Variants in ASIC1 observed in about 807,000 individuals in gnomAD.
ASIC1 encodes the protein acid-sensing ion channel 1.
Under a neutral mutation model 63.4 loss-of-function variants are expected in ASIC1, and 21 were observed. The ratio of observed to expected loss-of-function variants is 0.33; its 90% CI spans 0.23 to 0.48. The LOEUF (loss-of-function observed/expected upper bound fraction) is 0.48. Among genes scored for constraint, ASIC1 ranks in the 20% least tolerant of loss-of-function variants. The probability of loss-of-function intolerance (pLI) is 0.99; values close to 1 mark genes in which losing one functional copy is unlikely to be tolerated. For missense variants in ASIC1, 478 were observed against 695.5 expected (o/e 0.69, Z 3.52); for synonymous variants, 258 against 278.2 (o/e 0.93, Z 0.72).
Position 50,081,181 on chromosome 12 carries a change from G to T in ASIC1, c.1377G>T (p.Glu459Asp). The T allele has an allele frequency of 6.2e-7, 1 of 1,610,996 alleles. No homozygotes were observed. ...TGGAGCTCTTTGACTACGCCTACGAGGTAAGCGGGGGCGAGGCCCGGCACG... is the reference window on the plus strand; with the variant it reads ...TGGAGCTCTTTGACTACGCCTACGATGTAAGCGGGGGCGAGGCCCGGCACG... The part of the protein sequence containing the change: ...TVLELFDYAY[E>D]VIKHKLCRRG... Residue 459 changes from glutamate (E) to aspartate (D), a missense_variant and splice_region_variant, in exon 10 of 12, where the codon GAG becomes GAT. By Grantham distance (45) the Glu-to-Asp change is conservative (BLOSUM62 2). This residue lies in a region of ASIC1 where 104 missense variants were observed against 97.0 expected (regional missense o/e 1.07). Transcript: ENST00000447966.
chr12:50,071,603 C>T (rs1252420254), intron 3 of ASIC1, among the ~76,000 whole-genome samples: 2 of 151,832 alleles, frequency 1.3e-5, no homozygotes, highest in East Asian at 1.9e-4. Flanking sequence ...TGTGGGGCTA[C>T]AAGAGAGGAC....
At chr12:50,073,969 A>G (rs945087855) in intron 3 of ASIC1, 6 of 1,535,746 alleles carry the variant, frequency 3.9e-6, no homozygotes, top group Admixed American at 3.9e-5. Flanking sequence ...AGTGGCCACC[A>G]CGGAGCTGGC....
chr12:50,063,457 G>A (rs1195462919), intron 3 of ASIC1, among the ~76,000 whole-genome samples: 1 of 152,220 alleles, frequency 6.6e-6, no homozygotes, highest in Admixed American at 6.5e-5. Flanking sequence ...CATTTCTGGG[G>A]CCTGGAAGAG....
At chr12:50,062,405 T>C (rs918217149) in intron 3 of ASIC1, among the ~76,000 whole-genome samples, 1 of 152,208 alleles carries the variant, frequency 6.6e-6, no homozygotes, top group African/African-American at 2.4e-5. Context: ...AGGGTCGATC[T>C]AAGGGAGACC....
chr12:50,077,109 C>G, intron 3 of ASIC1, 104 bp from the exon 4 acceptor site: 1 of 1,572,226 alleles, frequency 6.4e-7, no homozygotes, highest in Non-Finnish European at 8.7e-7. Context: ...AGGAACCATT[C>G]CCAAAGGGTG....
At chr12:50,075,455 C>T (rs1042505195) in intron 3 of ASIC1, among the ~76,000 whole-genome samples, 6 of 152,340 alleles carry the variant, frequency 3.9e-5, no homozygotes, top group Middle Eastern at 3.4e-3. Context: ...CATACAACTC[C>T]GGATGGAGTG....
intron 7 of ASIC1, 36 bp from the exon 8 acceptor site, chr12:50,079,866 C>G: frequency 6.4e-7 from 1 of 1,568,140 alleles, no homozygotes; most frequent in African/African-American, 1.4e-5. Context: ...CAGAAGGGCA[C>G]CACTCAACTG....
At chr12:50,061,183 C>T (rs1950497570) in intron 3 of ASIC1, among the ~76,000 whole-genome samples, 1 of 152,178 alleles carries the variant, frequency 6.6e-6, no homozygotes, top group African/African-American at 2.4e-5. Context: ...TGCCTATTTT[C>T]TCCCCGCTTG....
Position 50,066,860 on chromosome 12 carries a change from A to C in ASIC1, c.558+6906A>C, listed in dbSNP as rs1380440009. Among the ~76,000 whole-genome samples the C allele has an allele frequency of 2.0e-5, 3 of 152,154 alleles. No homozygotes were observed. In the East Asian group the frequency reaches 5.8e-4, roughly 29 times the overall value. On this transcript the variant is annotated intron_variant, in intron 3 of 11. Coordinates refer to ENST00000447966, the MANE Select transcript of ASIC1 (RefSeq NM_001095.4). ...CCTTCTTCTGGGTACCAAGCCCTAG[A>C]AGGGAACATTCATCTTATCTAGGAT...
chr12:50,078,407 G>A lies in ASIC1; in HGVS notation c.838-14G>A, dbSNP rs1255639798. ...AGTCCCCGCACTCCCCCAGCTCCCC[G>A]GCTCTCCCAGCAGCTCATCTACCTG... On this transcript the variant is annotated splice_polypyrimidine_tract_variant and intron_variant, in intron 5 of 11. Transcript: ENST00000447966. The surrounding 1 kb of genome is among the most constrained non-coding windows in gnomAD (Gnocchi z 6.0). 5.6e-6 allele frequency: 9 copies of A among 1,613,544 alleles called. No homozygotes were observed. The highest frequency in any genetic ancestry group is 6.8e-6 in the Non-Finnish European group (8 of 1,179,718).
chr12:50,078,480 G>A lies in ASIC1; in HGVS notation c.897G>A (p.Leu299=). ...TCKAVTMDSD[L]DFFDSYSITA... ...AAGCTGTTACCATGGACTCGGATTT[G>A]GATTTCTTCGACTCCTACAGCATCA... Residue 299 remains leucine, a synonymous_variant, in exon 6 of 12, where the codon TTG becomes TTA. Transcript: ENST00000447966. This position sits in a 1 kb window ranked among gnomAD's most constrained non-coding sequence, Gnocchi z 6.0. 1 of 1,614,058 alleles carries A rather than the reference G, an allele frequency of 6.2e-7. No homozygotes were observed. Among genetic ancestry groups the A allele is most frequent in the South Asian group, 1.1e-5 (1 of 91,080 alleles).
intron 3 of ASIC1, among the ~76,000 whole-genome samples, chr12:50,071,255 A>G (rs1487597621): frequency 7.0e-6 from 1 of 142,260 alleles, no homozygotes; most frequent in African/African-American, 2.6e-5. Flanking sequence ...TGGAGGGTAC[A>G]TTGCTTTCAG....
intron 3 of ASIC1, 80 bp downstream of exon 3, chr12:50,060,034 C>T (rs1950486786): frequency 2.4e-5 from 37 of 1,510,450 alleles, no homozygotes; most frequent in Non-Finnish European, 3.0e-5. Flanking sequence ...TGGGCCTCTC[C>T]GGGTGCTTGC....
At position 50,059,507 on chromosome 12, in the gene ASIC1, T is replaced by G. The variant is rs983274087; in HGVS notation, c.363-252T>G. Reference sequence around the variant, plus strand: ...AGTATAAAAGCCACAGCCCCTGCCTTGTCTCTCTGCCCACCTTATCCATGC... The same window carrying G: ...AGTATAAAAGCCACAGCCCCTGCCTGGTCTCTCTGCCCACCTTATCCATGC... On this transcript the variant is annotated intron_variant, in intron 2 of 11. Transcript: ENST00000447966. The surrounding 1 kb of genome is among the most constrained non-coding windows in gnomAD (Gnocchi z 4.6). 1.3e-5 allele frequency among the ~76,000 whole-genome samples: 2 copies of G among 152,164 alleles called. No homozygotes were observed. Among genetic ancestry groups the G allele is most frequent in the African/African-American group, 4.8e-5 (2 of 41,436 alleles).
At chr12:50,065,863 C>T (rs545358024) in intron 3 of ASIC1, among the ~76,000 whole-genome samples, 1 of 152,262 alleles carries the variant, frequency 6.6e-6, no homozygotes, top group Non-Finnish European at 1.5e-5. Context: ...AGGCTGAGAA[C>T]ATCCCTGGGG....
At chr12:50,067,031 G>A (rs1347211733) in intron 3 of ASIC1, among the ~76,000 whole-genome samples, 1 of 152,156 alleles carries the variant, frequency 6.6e-6, no homozygotes, top group Non-Finnish European at 1.5e-5. Flanking sequence ...AGATGCTCTT[G>A]TCTTAAAATA....
At position 50,078,684 on chromosome 12, in the gene ASIC1, A is replaced by T; in HGVS notation, c.994+107A>T. 1 of 1,506,776 alleles carries T rather than the reference A, an allele frequency of 6.6e-7. No individual in the cohort carries two copies. The highest frequency in any genetic ancestry group is 2.3e-5 in the East Asian group (1 of 44,276). 93.3% of individuals were successfully genotyped at this position (1,506,776 alleles called of 1,614,324 possible). A position where few individuals can be genotyped will look rare whatever the true frequency, so the allele number is the denominator to read the frequency against. On this transcript the variant is annotated intron_variant, in intron 6 of 11. Transcript: ENST00000447966. This position sits in a 1 kb window ranked among gnomAD's most constrained non-coding sequence, Gnocchi z 6.0. The stretch of plus-strand genomic sequence containing the variant: ...CCCAACCCCAGTTCCAGCCCACCCC[A>T]TCCCACACCCACCTGGCTCATGTCT...
rs1438734627 is a variant in ASIC1, at chr12:50,078,342, G to A, written c.838-79G>A. The A allele has an allele frequency of 1.3e-6, 2 of 1,575,520 alleles. No individual in the cohort carries two copies. The highest frequency in any genetic ancestry group is 2.7e-5 in the African/African-American group (2 of 74,246). On this transcript the variant is annotated intron_variant, in intron 5 of 11. Transcript: ENST00000447966. The surrounding 1 kb of genome is among the most constrained non-coding windows in gnomAD (Gnocchi z 6.0). Reference sequence around the variant, plus strand: ...GAGGGGAGCAGAACTCCAGAGATCTGCATCTTGTCAGAGGAGTCCATCAAG... The same window carrying A: ...GAGGGGAGCAGAACTCCAGAGATCTACATCTTGTCAGAGGAGTCCATCAAG...
chr12:50,065,663 C>T (rs773770997), intron 3 of ASIC1, among the ~76,000 whole-genome samples: 54 of 152,368 alleles, frequency 3.5e-4, no homozygotes, highest in Admixed American at 1.2e-3. Context: ...ACCCCAGGCT[C>T]TCCAAGGCCA....
Sources: gnomAD v4.1 joint callset for allele counts (sites outside exome capture counted in the v4.1 genomes callset) on GRCh38, gnomAD v4.1.1 for gene constraint, gnomAD v4.1.1 regional missense constraint, Gnocchi (gnomAD v3.1) non-coding constraint, MANE v1.5 for transcripts, NCBI Gene and HGNC (gene_info 2026-07-23, HGNC 2026-07-21) for gene names.